The following SIMC1 variants were observed in gnomAD, a reference collection of about 807,000 sequenced individuals.
SIMC1 encodes the protein SUMO-interacting motif-containing protein 1.
Under a neutral mutation model 82.3 loss-of-function variants are expected in SIMC1, and 55 were observed. That is an observed-to-expected ratio of 0.67 (90% CI 0.54 to 0.84). The LOEUF (loss-of-function observed/expected upper bound fraction) is 0.84, where lower values mean the gene tolerates loss of function less well. Ranked by LOEUF, SIMC1 falls within the 40% of genes least tolerant of loss-of-function variation. The probability of loss-of-function intolerance (pLI) is 0.00; values close to 1 mark genes in which losing one functional copy is unlikely to be tolerated. For synonymous variants in SIMC1, 353 were observed against 426.3 expected (o/e 0.83, Z 2.12); for missense variants, 915 against 1,107.2 (o/e 0.83, Z 2.46).
chr5:176,245,307 C>T (rs1731335825), intron 1 of SIMC1, among the ~76,000 whole-genome samples: 1 of 152,144 alleles, frequency 6.6e-6, no homozygotes, highest in African/African-American at 2.4e-5. Flanking sequence ...TATGCAGCTG[C>T]AAGCCAAGGA....
At chr5:176,281,344 C>G (rs1322020272) in intron 1 of SIMC1, among the ~76,000 whole-genome samples, 2 of 152,072 alleles carry the variant, frequency 1.3e-5, no homozygotes. Flanking sequence ...AAATTTTTTT[C>G]AAAGTTTTTA....
At chr5:176,334,884 G>A (rs1398887031) in intron 7 of SIMC1, among the ~76,000 whole-genome samples, 1 of 152,076 alleles carries the variant, frequency 6.6e-6, no homozygotes, top group African/African-American at 2.4e-5. Flanking sequence ...CTGAGGTCAG[G>A]AGTTCGAGAC....
At chr5:176,283,894 A>C (rs1225880598) in intron 1 of SIMC1, among the ~76,000 whole-genome samples, 3 of 152,196 alleles carry the variant, frequency 2.0e-5, no homozygotes, top group Non-Finnish European at 4.4e-5. Context: ...GATAAAACAG[A>C]CTTTAAAGCA....
chr5:176,336,639 G>T lies in SIMC1; in HGVS notation c.2172-81G>T, dbSNP rs867874942. ...AACTGTCTTTTTTAGGACAAATGTT[G>T]TACATTCAGGGTGAATTGTGGCTCA... On this transcript the variant is annotated intron_variant, in intron 7 of 9. Coordinates refer to ENST00000429602, the MANE Select transcript of SIMC1 (RefSeq NM_001308195.2). The T allele has an allele frequency of 1.7e-5, 26 of 1,537,128 alleles. No individual in the cohort carries two copies. In the Middle Eastern group the frequency reaches 5.3e-4, roughly 31 times the overall value.
chr5:176,314,953 G>C (rs1422949938), intron 5 of SIMC1, among the ~76,000 whole-genome samples: 2 of 152,178 alleles, frequency 1.3e-5, no homozygotes, highest in Non-Finnish European at 2.9e-5. Context: ...ACTGTAAGCT[G>C]TCAGTGTTCT....
At chr5:176,318,495 C>T (rs573186461) in intron 5 of SIMC1, among the ~76,000 whole-genome samples, 3 of 152,290 alleles carry the variant, frequency 2.0e-5, no homozygotes, top group South Asian at 2.1e-4. Flanking sequence ...CTAGATCACT[C>T]GTCCTCTTTT....
At chr5:176,328,050 C>G (rs1250652504) in intron 7 of SIMC1, among the ~76,000 whole-genome samples, 1 of 151,934 alleles carries the variant, frequency 6.6e-6, no homozygotes, top group Non-Finnish European at 1.5e-5. Context: ...TTTTATTTTC[C>G]TGTAATGTTT....
At chr5:176,271,389 A>C (rs1762421815) in intron 1 of SIMC1, among the ~76,000 whole-genome samples, 1 of 152,148 alleles carries the variant, frequency 6.6e-6, no homozygotes, top group Admixed American at 6.6e-5. Context: ...TAGATAATTT[A>C]AGTAGACCTA....
At chr5:176,340,554 A>G (rs1250918370) in intron 9 of SIMC1, among the ~76,000 whole-genome samples, 1 of 152,176 alleles carries the variant, frequency 6.6e-6, no homozygotes, top group African/African-American at 2.4e-5. Context: ...CTGTCCACGG[A>G]CGGGGAAAAG....
intron 4 of SIMC1, chr5:176,313,338 C>T (rs556181961): frequency 3.4e-6 from 5 of 1,484,646 alleles, no homozygotes; most frequent in East Asian, 2.5e-5. Context: ...CCATGGCTGC[C>T]TCTTAAATCA....
chr5:176,312,536 C>CAAA (rs10551875), intron 4 of SIMC1, among the ~76,000 whole-genome samples: 1 of 70,024 alleles, frequency 1.4e-5, no homozygotes, highest in Non-Finnish European at 2.7e-5. Flanking sequence ...GACTCCATCT[C>CAAA]AAAAAAAAAA....
intron 1 of SIMC1, chr5:176,263,487 G>A: frequency 6.5e-7 from 1 of 1,543,098 alleles, no homozygotes; most frequent in Non-Finnish European, 8.7e-7. Context: ...CCATGGCAGA[G>A]GTGAATGGGG....
intron 7 of SIMC1, among the ~76,000 whole-genome samples, chr5:176,333,748 ATT>A (rs958763252): frequency 1.4e-5 from 2 of 146,538 alleles, no homozygotes; most frequent in African/African-American, 2.5e-5. Context: ...GATTTTTAAT[ATT>A]TTTTTTTTTG....
intron 1 of SIMC1, among the ~76,000 whole-genome samples, chr5:176,253,022 G>A (rs553188772): frequency 8.3e-4 from 127 of 152,296 alleles, no homozygotes; most frequent in African/African-American, 2.6e-3. Flanking sequence ...GCCTGCAATC[G>A]CAGGCACTCA....
chr5:176,285,255 C>A (rs1002881673), intron 1 of SIMC1, among the ~76,000 whole-genome samples: 1 of 152,022 alleles, frequency 6.6e-6, no homozygotes, highest in Admixed American at 6.6e-5. Flanking sequence ...ACTGGCAAAC[C>A]GAATCCAGCA....
At chr5:176,321,885 C>CTT (rs11418187) in intron 5 of SIMC1, among the ~76,000 whole-genome samples, 11,827 of 90,648 alleles carry the variant, frequency 0.13, 1,675 homozygotes, top group Non-Finnish European at 0.14. Context: ...TTTTAGTTAG[C>CTT]TTTTTTTTTT....
chr5:176,281,200 C>A (rs140039449), intron 1 of SIMC1, among the ~76,000 whole-genome samples: 21,397 of 152,190 alleles, frequency 0.14, 1,520 homozygotes, highest in Middle Eastern at 0.21. Flanking sequence ...ATCGCTGATA[C>A]CCTTTCTTCC....
intron 4 of SIMC1, among the ~76,000 whole-genome samples, chr5:176,300,413 G>C (rs544034083): frequency 1.7e-4 from 26 of 152,232 alleles, no homozygotes; most frequent in African/African-American, 6.3e-4. Flanking sequence ...TGAACTTCTG[G>C]GCTCAAGCTG....
At chr5:176,286,703 G>A (rs552036773) in intron 1 of SIMC1, among the ~76,000 whole-genome samples, 1 of 152,322 alleles carries the variant, frequency 6.6e-6, no homozygotes, top group Admixed American at 6.5e-5. Context: ...GCAACCTACA[G>A]AATGGGAGAA....
Sources: allele counts gnomAD v4.1 joint callset (sites outside exome capture counted in the v4.1 genomes callset), GRCh38; gene constraint gnomAD v4.1.1; transcripts MANE v1.5; gene names NCBI Gene and HGNC (gene_info 2026-07-23, HGNC 2026-07-21).